The following FHIT variants were observed in gnomAD, a reference collection of about 807,000 sequenced individuals.
FHIT encodes bis(5'-adenosyl)-triphosphatase.
In FHIT, 19 loss-of-function variants were observed where a neutral mutation model predicts 17.9. That is an observed-to-expected ratio of 1.06 (90% CI 0.74 to 1.56). The LOEUF (loss-of-function observed/expected upper bound fraction) is 1.56. Ranked by LOEUF, FHIT falls within the 40% of genes most tolerant of loss-of-function variation. The pLI, the probability that FHIT is intolerant of heterozygous loss-of-function variation, is 0.00. For missense variants in FHIT, 248 were observed against 189.2 expected (o/e 1.31, Z -1.82); for synonymous variants, 81 against 69.7 (o/e 1.16, Z -0.81).
chr3:61,177,711 A>C (rs1184022090), intron 2 of FHIT, among the ~76,000 whole-genome samples: 2 of 152,192 alleles, frequency 1.3e-5, no homozygotes, highest in African/African-American at 2.4e-5. Context: ...ATAAAAAGCA[A>C]ACCTATCTCA....
At chr3:60,514,148 C>T (rs921868559) in intron 5 of FHIT, among the ~76,000 whole-genome samples, 1 of 152,206 alleles carries the variant, frequency 6.6e-6, no homozygotes, top group African/African-American at 2.4e-5. Flanking sequence ...CCTGATTCTT[C>T]CTGGATGCCA....
At chr3:59,835,940 C>T (rs1339094604) in intron 8 of FHIT, among the ~76,000 whole-genome samples, 2 of 152,124 alleles carry the variant, frequency 1.3e-5, no homozygotes, top group African/African-American at 4.8e-5. Flanking sequence ...CAAGGGGACA[C>T]AAATAATCTA....
intron 5 of FHIT, among the ~76,000 whole-genome samples, chr3:60,486,736 CAT>C (rs1185091270): frequency 6.6e-6 from 1 of 152,170 alleles, no homozygotes; most frequent in Middle Eastern, 3.2e-3. Flanking sequence ...ATCAAAAAGA[CAT>C]GTTATAATGC....
intron 5 of FHIT, among the ~76,000 whole-genome samples, chr3:60,354,737 G>C (rs77894477): frequency 0.011 from 1,661 of 152,244 alleles, 34 homozygotes; most frequent in African/African-American, 0.037. Context: ...GGTCCAATTG[G>C]TAATATCTGA....
chr3:60,355,646 T>C (rs1400804970), intron 5 of FHIT, among the ~76,000 whole-genome samples: 2 of 152,116 alleles, frequency 1.3e-5, no homozygotes, highest in Admixed American at 1.3e-4. Context: ...AAAGAAACAA[T>C]CAGCAGCAGC....
intron 5 of FHIT, among the ~76,000 whole-genome samples, chr3:60,193,531 G>A (rs1312728168): frequency 1.5e-4 from 23 of 152,142 alleles, no homozygotes; most frequent in African/African-American, 9.7e-5. Flanking sequence ...AAAAGAAAAT[G>A]GACAACTCTC....
intron 8 of FHIT, among the ~76,000 whole-genome samples, chr3:59,820,041 C>T (rs1431272379): frequency 6.6e-6 from 1 of 152,236 alleles, no homozygotes; most frequent in African/African-American, 2.4e-5. Context: ...GCACCTTGAT[C>T]TTGGACTTCC....
At chr3:60,674,387 T>C (rs9836897) in intron 4 of FHIT, among the ~76,000 whole-genome samples, 2,861 of 152,296 alleles carry the variant, frequency 0.019, 110 homozygotes, top group African/African-American at 0.065. Context: ...GTCTGAGTTA[T>C]TTCAAAGTCT....
chr3:61,121,837 T>C (rs1273122873), intron 2 of FHIT, among the ~76,000 whole-genome samples: 1 of 151,858 alleles, frequency 6.6e-6, no homozygotes, highest in Non-Finnish European at 1.5e-5. Context: ...GTGAGACCCA[T>C]CTCACATGCA....
chr3:60,106,770 A>G (rs2107161939), intron 5 of FHIT, among the ~76,000 whole-genome samples: 1 of 152,272 alleles, frequency 6.6e-6, no homozygotes, highest in East Asian at 1.9e-4. Flanking sequence ...CACAATATTG[A>G]TGGACGGCAG....
intron 4 of FHIT, among the ~76,000 whole-genome samples, chr3:60,543,202 G>A (rs1480763238): frequency 6.6e-6 from 1 of 152,138 alleles, no homozygotes; most frequent in Non-Finnish European, 1.5e-5. Flanking sequence ...GAGTAGGCGT[G>A]GCTGTGCCCC....
At chr3:60,172,752 T>C (rs1701476763) in intron 5 of FHIT, among the ~76,000 whole-genome samples, 1 of 152,114 alleles carries the variant, frequency 6.6e-6, no homozygotes, top group Non-Finnish European at 1.5e-5. Flanking sequence ...TGGTGTGAGA[T>C]GGGCAGAGGC....
chr3:60,731,327 A>T (rs1295152436), intron 4 of FHIT, among the ~76,000 whole-genome samples: 1 of 152,150 alleles, frequency 6.6e-6, no homozygotes, highest in Non-Finnish European at 1.5e-5. Flanking sequence ...ACACCAAAGC[A>T]AGTTTTAGAG....
chr3:61,211,550 C>T, intron 1 of FHIT, among the ~76,000 whole-genome samples: 1 of 152,196 alleles, frequency 6.6e-6, no homozygotes, highest in African/African-American at 2.4e-5. Flanking sequence ...GCCTGCCTGC[C>T]TCTGTGGGCT....
At chr3:60,176,144 G>C (rs1701658096) in intron 5 of FHIT, among the ~76,000 whole-genome samples, 2 of 152,192 alleles carry the variant, frequency 1.3e-5, no homozygotes, top group African/African-American at 2.4e-5. Context: ...CCTGAGTCAG[G>C]AGTTAGAGAC....
chr3:61,114,816 C>G (rs935482816), intron 2 of FHIT, among the ~76,000 whole-genome samples: 36 of 152,126 alleles, frequency 2.4e-4, no homozygotes, highest in African/African-American at 8.4e-4. Context: ...TTACCTTTAT[C>G]CTGCCAGGGA....
intron 7 of FHIT, among the ~76,000 whole-genome samples, chr3:59,974,493 C>T (rs1331977738): frequency 6.6e-6 from 1 of 152,116 alleles, no homozygotes; most frequent in African/African-American, 2.4e-5. Flanking sequence ...ACACCTTCAC[C>T]AAGCATGAGA....
rs867860497 is a variant in FHIT at position 60,522,657 on chromosome 3, G to C, written c.103+14203C>G. Among the ~76,000 whole-genome samples, 2 of 152,284 alleles carry C rather than the reference G, an allele frequency of 1.3e-5. 1 individual carries two copies. The highest frequency in any genetic ancestry group is 4.2e-4 in the South Asian group (2 of 4,814). On this transcript the variant is annotated intron_variant, in intron 5 of 9. Transcript: ENST00000492590. ...TGAGAAACAGCCTCCATGTGCATTGGAAGGATGTTTTGAGAATGCTGTCAA... is the reference window on the plus strand; with the variant it reads ...TGAGAAACAGCCTCCATGTGCATTGCAAGGATGTTTTGAGAATGCTGTCAA...
At chr3:60,863,785 A>C (rs1389422574) in intron 3 of FHIT, among the ~76,000 whole-genome samples, 2 of 152,180 alleles carry the variant, frequency 1.3e-5, no homozygotes, top group East Asian at 3.9e-4. Flanking sequence ...AACATAATAA[A>C]GATATTAACA....
Sources: allele counts gnomAD v4.1 joint callset (sites outside exome capture counted in the v4.1 genomes callset), GRCh38; gene constraint gnomAD v4.1.1; transcripts MANE v1.5; gene names NCBI Gene and HGNC (gene_info 2026-07-23, HGNC 2026-07-21).